SLC39A8: variants seen among roughly 807,000 people sequenced by gnomAD.
The protein encoded by SLC39A8 is solute carrier family 39 member 8, also known as metal cation symporter ZIP8.
SLC39A8 carries 15 observed loss-of-function variants against 40.4 expected under a neutral mutation model. That is an observed-to-expected ratio of 0.37 (90% confidence interval 0.25 to 0.57). The LOEUF (loss-of-function observed/expected upper bound fraction) is 0.57, where lower values mean the gene tolerates loss of function less well. SLC39A8 is among the 20% of genes least tolerant of loss of function. The pLI, the probability that SLC39A8 is intolerant of heterozygous loss-of-function variation, is 0.75. For missense variants in SLC39A8, 472 were observed against 558.8 expected (o/e 0.84, Z 1.57); for synonymous variants, 223 against 221.6 (o/e 1.01, Z -0.06).
intron 2 of SLC39A8, among the ~76,000 whole-genome samples, chr4:102,341,553 C>T (rs925218828): frequency 6.6e-6 from 1 of 152,098 alleles, no homozygotes; most frequent in East Asian, 1.9e-4. Context: ...GAAATGAGGG[C>T]CCCAGAGACC....
chr4:102,320,257 G>GTA (rs1293708862), intron 2 of SLC39A8, among the ~76,000 whole-genome samples: 4 of 129,482 alleles, frequency 3.1e-5, no homozygotes, highest in African/African-American at 1.2e-4. Flanking sequence ...ATATATATGA[G>GTA]TATATATATG....
At chr4:102,329,350 C>CAGTG (rs1379147623) in intron 2 of SLC39A8, among the ~76,000 whole-genome samples, 1 of 152,166 alleles carries the variant, frequency 6.6e-6, no homozygotes, top group Admixed American at 6.5e-5. Context: ...TGGCTGGGCA[C>CAGTG]AGTGGCTCAT....
intron 6 of SLC39A8, among the ~76,000 whole-genome samples, chr4:102,300,740 G>A (rs934325697): frequency 3.3e-5 from 5 of 151,720 alleles, no homozygotes; most frequent in Admixed American, 1.3e-4. Flanking sequence ...ATATTATCAT[G>A]TTCAATCCTT....
At chr4:102,281,956 C>G (rs56295373) in intron 6 of SLC39A8, among the ~76,000 whole-genome samples, 14,187 of 152,212 alleles carry the variant, frequency 0.093, 732 homozygotes, top group South Asian at 0.2. Flanking sequence ...AACAGAGCCT[C>G]CTGCCGCATT....
At chr4:102,328,613 A>G (rs1560566827) in intron 2 of SLC39A8, among the ~76,000 whole-genome samples, 1 of 152,260 alleles carries the variant, frequency 6.6e-6, no homozygotes, top group Admixed American at 6.5e-5. Context: ...ATATTTCTTG[A>G]ATATCGCCTA....
chr4:102,311,676 T>C (rs537293923), intron 3 of SLC39A8, among the ~76,000 whole-genome samples: 41 of 152,260 alleles, frequency 2.7e-4, no homozygotes, highest in African/African-American at 9.9e-4. Flanking sequence ...ATTTAACTTA[T>C]CATCAGTTTA....
At chr4:102,284,511 A>G (rs17226148) in intron 6 of SLC39A8, among the ~76,000 whole-genome samples, 11,805 of 152,252 alleles carry the variant, frequency 0.078, 631 homozygotes, top group South Asian at 0.14. Flanking sequence ...ATAAATGATG[A>G]AATGAATGAC....
At chr4:102,259,371 A>C (rs1193743806), downstream of SLC39A8, 1 of 914,546 alleles carries the variant, frequency 1.1e-6, no homozygotes, top group Non-Finnish European at 1.7e-6. Context: ...TAACATGCAC[A>C]GTCACTGCAG....
Position 102,344,568 on chromosome 4 carries a change from T to A in SLC39A8, c.95A>T (p.Asp32Val). The A allele has an allele frequency of 6.4e-7, 1 of 1,551,616 alleles. No individual in the cohort carries two copies. ...AEGPGLAFSEDVLSVFGANLS... is the reference protein window; with the variant it reads ...AEGPGLAFSEVVLSVFGANLS... ...ATTCGCGCCGAACACGCTCAGCACA[T>A]CCTCGCTGAAGGCTAGCCCTGGCCC... is the stretch of plus-strand genomic sequence containing the variant. The change falls in exon 2 of 9, where the codon GAT (aspartate) becomes GTT (valine). Residue 32 changes from aspartate (D) to valine (V), a missense_variant. Around this residue, in one of 4 missense-constraint regions of SLC39A8, gnomAD observed 175 missense variants for 160.5 expected, o/e 1.09. Transcript: ENST00000356736.
chr4:102,271,255 G>T (rs577404993), intron 6 of SLC39A8, among the ~76,000 whole-genome samples: 34 of 151,966 alleles, frequency 2.2e-4, no homozygotes, highest in Non-Finnish European at 4.4e-4. Context: ...CAAAGGAGGA[G>T]GTGAAGAATA....
Position 102,344,686 on chromosome 4 carries a change from G to A in SLC39A8, c.-24C>T, listed in dbSNP as rs940568479. 36 of 1,426,336 alleles carry A rather than the reference G, an allele frequency of 2.5e-5. No individual in the cohort carries two copies. In the African/African-American group the frequency reaches 4.4e-4, roughly 17 times the overall value. 88.4% of individuals were successfully genotyped at this position (1,426,336 alleles called of 1,614,324 possible). The stretch of plus-strand genomic sequence containing the variant: ...ATCCTGGCCTGGGCTTCCCCTTGAG[G>A]GCCCGCGACGGGCTGCCGCGCAGAG... On this transcript the variant is annotated 5_prime_UTR_variant, in exon 2 of 9. Coordinates refer to ENST00000356736, the MANE Select transcript of SLC39A8 (RefSeq NM_001135146.2).
At chr4:102,320,310 GTA>G (rs370507170) in intron 2 of SLC39A8, among the ~76,000 whole-genome samples, 31,624 of 117,318 alleles carry the variant, frequency 0.27, 5,011 homozygotes, top group Middle Eastern at 0.39. Flanking sequence ...ATATATATGA[GTA>G]TATATATATG....
chr4:102,280,975 T>C (rs1732845039), intron 6 of SLC39A8, among the ~76,000 whole-genome samples: 1 of 152,198 alleles, frequency 6.6e-6, no homozygotes, highest in Non-Finnish European at 1.5e-5. Flanking sequence ...AATCTGCTAC[T>C]TTGCCAATGG....
At chr4:102,308,601 G>A (rs897171479) in intron 3 of SLC39A8, among the ~76,000 whole-genome samples, 18 of 152,078 alleles carry the variant, frequency 1.2e-4, no homozygotes, top group Non-Finnish European at 2.4e-4. Flanking sequence ...CGTGGCCTCA[G>A]GGCTGTGCAA....
At chr4:102,316,063 C>G (rs537909992) in intron 2 of SLC39A8, among the ~76,000 whole-genome samples, 1 of 152,138 alleles carries the variant, frequency 6.6e-6, no homozygotes, top group African/African-American at 2.4e-5. Flanking sequence ...AGCTTTCCTA[C>G]AGCAGAAAAT....
At chr4:102,335,930 C>T (rs921894291) in intron 2 of SLC39A8, among the ~76,000 whole-genome samples, 1 of 151,994 alleles carries the variant, frequency 6.6e-6, no homozygotes, top group African/African-American at 2.4e-5. Context: ...TTGACAGACG[C>T]TTGGGTGTTC....
intron 6 of SLC39A8, among the ~76,000 whole-genome samples, chr4:102,279,679 G>C (rs895917395): frequency 6.6e-6 from 1 of 152,134 alleles, no homozygotes; most frequent in Non-Finnish European, 1.5e-5. Context: ...CTCCAGAAGT[G>C]AGCTGCAGCT....
chr4:102,289,640 A>C (rs1240205461), intron 6 of SLC39A8, among the ~76,000 whole-genome samples: 1 of 152,142 alleles, frequency 6.6e-6, no homozygotes, highest in East Asian at 1.9e-4. Context: ...AGTTGGGAAG[A>C]AGTTGATTCC....
intron 6 of SLC39A8, among the ~76,000 whole-genome samples, chr4:102,282,346 C>T (rs556269380): frequency 6.6e-6 from 1 of 152,288 alleles, no homozygotes; most frequent in South Asian, 2.1e-4. Flanking sequence ...GCATGTATTC[C>T]AGTCTTTCCA....
Sources: allele counts gnomAD v4.1 joint callset (sites outside exome capture counted in the v4.1 genomes callset), GRCh38; gene constraint gnomAD v4.1.1; regional missense constraint gnomAD v4.1.1; transcripts MANE v1.5; gene names NCBI Gene and HGNC (gene_info 2026-07-23, HGNC 2026-07-21).